DOCK6: variants seen among roughly 807,000 people sequenced by gnomAD.
DOCK6 encodes dedicator of cytokinesis protein 6.
DOCK6 carries 167 observed loss-of-function variants against 230.3 expected under a neutral mutation model. The observed-to-expected ratio is 0.73, with a 90% CI of 0.64 to 0.82. The LOEUF (loss-of-function observed/expected upper bound fraction) is 0.82, where lower values mean the gene tolerates loss of function less well. DOCK6 is among the 40% of genes least tolerant of loss of function. The pLI, the probability that DOCK6 is intolerant of heterozygous loss-of-function variation, is 0.00. For missense variants in DOCK6, 2,598 were observed against 2,825.8 expected, an observed-to-expected ratio of 0.92 and a Z score of 1.83; for synonymous variants, 1,148 against 1,185.0, an observed-to-expected ratio of 0.97 and a Z score of 0.64.
chr19:11,215,689 A>G, intron 31 of DOCK6, 112 bp downstream of exon 31: 2 of 1,555,044 alleles, frequency 1.3e-6, no homozygotes, highest in East Asian at 2.3e-5. Flanking sequence ...ACTTCTCTCC[A>G]GGAAAAGTGA....
At chr19:11,203,315 G>A (rs1047583635) in intron 41 of DOCK6, 3 of 167,096 alleles carry the variant, frequency 1.8e-5, no homozygotes, top group Non-Finnish European at 2.6e-5. Flanking sequence ...GGCAGACATG[G>A]TGGGGCCAGA....
chr19:11,210,375 TTCTCA>T (rs1293096223), intron 37 of DOCK6, among the ~76,000 whole-genome samples: 1 of 149,266 alleles, frequency 6.7e-6, no homozygotes, highest in Non-Finnish European at 1.5e-5. Flanking sequence ...CTTGTTCATC[TTCTCA>T]TCTGGCCATC....
At chr19:11,215,508 A>G (rs765296566) in intron 31 of DOCK6, 37 bp from the exon 32 acceptor site, 2 of 1,575,166 alleles carry the variant, frequency 1.3e-6, no homozygotes, top group African/African-American at 2.7e-5. Context: ...GATGCGTAAA[A>G]ACACAGGGCA....
Position 11,200,195 on chromosome 19 carries a change from T to A in DOCK6, c.6101+113A>T. Reference sequence around the variant, plus strand: ...ACCGGAAACAAAACAAAGTCCAAGCTACCAGCAAACATGTTGCTGTGTATG... The same window carrying A: ...ACCGGAAACAAAACAAAGTCCAAGCAACCAGCAAACATGTTGCTGTGTATG... On this transcript the variant is annotated intron_variant, in intron 47 of 47. Coordinates refer to ENST00000294618, the MANE Select transcript of DOCK6 (RefSeq NM_020812.4). This position sits in a 1 kb window ranked among gnomAD's most constrained non-coding sequence, Gnocchi z 4.3. 7.2e-5 allele frequency: 77 copies of A among 1,069,542 alleles called. No individual in the cohort carries two copies. Among genetic ancestry groups the A allele is most frequent in the Non-Finnish European group, 8.4e-5 (65 of 770,698 alleles). 66.3% of individuals were successfully genotyped at this position (1,069,542 alleles called of 1,614,324 possible). A position where few individuals can be genotyped will look rare whatever the true frequency, so the allele number is the denominator to read the frequency against.
chr19:11,242,943 C>T (rs935313678), intron 13 of DOCK6, 116 bp downstream of exon 13: 5 of 1,186,568 alleles, frequency 4.2e-6, no homozygotes, highest in Non-Finnish European at 6.2e-6. Context: ...AGGGATTTGT[C>T]CATCATGGTC....
intron 22 of DOCK6, among the ~76,000 whole-genome samples, chr19:11,232,504 G>A (rs376231674): frequency 6.6e-6 from 1 of 152,244 alleles, no homozygotes; most frequent in Non-Finnish European, 1.5e-5. Context: ...ACACACCCCT[G>A]TAAGTCTGTG....
chr19:11,237,396 G>T (rs1182231583), intron 18 of DOCK6, 60 bp downstream of exon 18: 2 of 1,591,722 alleles, frequency 1.3e-6, no homozygotes, highest in Non-Finnish European at 1.7e-6. Context: ...AGGAAGGCAG[G>T]TGACTCGGGA....
At chr19:11,251,920 A>G in intron 5 of DOCK6, 199 bp downstream of exon 5, 3 of 708,584 alleles carry the variant, frequency 4.2e-6, no homozygotes, top group Non-Finnish European at 6.8e-6. Context: ...AGCAGAGGAC[A>G]CATATGAAGC....
chr19:11,218,595 G>A (rs1009033923), intron 28 of DOCK6, among the ~76,000 whole-genome samples: 2 of 152,080 alleles, frequency 1.3e-5, no homozygotes, highest in East Asian at 3.9e-4. Context: ...CTGCAGGTGC[G>A]TGCTGCCACG....
chr19:11,234,507 TAAAA>T (rs5827121), intron 21 of DOCK6, among the ~76,000 whole-genome samples: 4 of 145,466 alleles, frequency 2.7e-5, no homozygotes, highest in Admixed American at 1.4e-4. Context: ...TTTGGCAAAT[TAAAA>T]AAAAAAAAAA....
intron 21 of DOCK6, 57 bp downstream of exon 21, chr19:11,235,541 G>T: frequency 6.7e-7 from 1 of 1,481,524 alleles, no homozygotes; most frequent in Non-Finnish European, 9.1e-7. Flanking sequence ...GTGAGCCACC[G>T]CACCCAGCCT....
intron 28 of DOCK6, among the ~76,000 whole-genome samples, chr19:11,218,379 T>G (rs1422482318): frequency 1.3e-5 from 2 of 152,168 alleles, no homozygotes; most frequent in Non-Finnish European, 2.9e-5. Context: ...ACTCCTGACC[T>G]CGAATGATCT....
chr19:11,222,790 C>T lies in DOCK6; in HGVS notation c.3185G>A (p.Cys1062Tyr). The T allele has an allele frequency of 6.3e-7, 1 of 1,586,438 alleles. No homozygotes were observed. Among genetic ancestry groups the T allele is most frequent in the Non-Finnish European group, 8.6e-7 (1 of 1,166,806 alleles). ...GGGCGAGGCTGGAGGTGACAGGGGG[C>T]AGCAGGGGAGGTTGAGGGTCACGTA... ...EHYVTLNLPC[C>Y]PLSPPASPSP... Residue 1062 changes from cysteine (C) to tyrosine (Y), a missense_variant, in exon 26 of 48, where the codon TGC becomes TAC. Coordinates refer to ENST00000294618, the MANE Select transcript of DOCK6 (RefSeq NM_020812.4). The surrounding 1 kb of genome is among the most constrained non-coding windows in gnomAD (Gnocchi z 4.0).
At chr19:11,229,198 G>T in intron 22 of DOCK6, 163 bp from the exon 23 acceptor site, 3 of 1,271,622 alleles carry the variant, frequency 2.4e-6, no homozygotes, top group Non-Finnish European at 3.2e-6. Context: ...CTTTCCCTGG[G>T]CTCGCCAGAC....
Position 11,237,739 on chromosome 19 carries a change from C to A in DOCK6, c.1873G>T (p.Ala625Ser), listed in dbSNP as rs1466829555. 5 of 1,578,598 alleles carry A rather than the reference C, an allele frequency of 3.2e-6. No individual in the cohort carries two copies. In the East Asian group the frequency reaches 1.2e-4, roughly 37 times the overall value. Residue 625 changes from alanine to serine, a missense_variant, in exon 17 of 48, where the codon GCC becomes TCC. Transcript: ENST00000294618. ...FYEEFKLHLP[A>S]CVTENHHLLF... ...AGGTGATGGTTCTCTGTCACGCAGG[C>A]TGGAAGATGCAGCTTGAACTCCTCG...
chr19:11,217,030 C>A lies in DOCK6; in HGVS notation c.3778G>T (p.Val1260Leu). The change falls in exon 30 of 48, where the codon GTG (valine) becomes TTG (leucine). Residue 1260 changes from valine (V) to leucine (L), a missense_variant. Physicochemically the swap from Val to Leu is conservative, Grantham distance 32. Coordinates refer to ENST00000294618, the MANE Select transcript of DOCK6 (RefSeq NM_020812.4). ...AGCGCCGGCTCGGTGTTTTTCAGCA[C>A]CCACAGCACACACGCCAGCAAGGTC... ...SRTLLACVLW[V>L]LKNTEPALLQ... 1 of 1,613,634 alleles carries A rather than the reference C, an allele frequency of 6.2e-7. No homozygotes were observed. The highest frequency in any genetic ancestry group is 8.5e-7 in the Non-Finnish European group (1 of 1,179,892).
chr19:11,201,889 C>G lies in DOCK6; in HGVS notation c.5688G>C (p.Glu1896Asp), dbSNP rs1453434511. The G allele has an allele frequency of 6.4e-7, 1 of 1,557,274 alleles. No homozygotes were observed. Among genetic ancestry groups the G allele is most frequent in the Non-Finnish European group, 8.7e-7 (1 of 1,149,548 alleles). The change falls in exon 44 of 48, where the codon GAG becomes GAC. Residue 1896 changes from glutamate (E) to aspartate (D), a missense_variant and splice_region_variant. By Grantham distance (45) the Glu-to-Asp change is conservative. Coordinates refer to ENST00000294618, the MANE Select transcript of DOCK6 (RefSeq NM_020812.4). This position sits in a 1 kb window ranked among gnomAD's most constrained non-coding sequence, Gnocchi z 4.3. ...KTRIRVCHREETVLTPVEVAI... is the reference protein window; with the variant it reads ...KTRIRVCHREDTVLTPVEVAI... The stretch of plus-strand genomic sequence containing the variant: ...CGCCAGGCCCAGGATCCCCACCCAC[C>G]TCCTCCCGGTGGCACACACGGATGC...
intron 22 of DOCK6, among the ~76,000 whole-genome samples, chr19:11,231,172 T>C (rs1392330777): frequency 6.6e-6 from 1 of 152,192 alleles, no homozygotes; most frequent in African/African-American, 2.4e-5. Flanking sequence ...AGAGCTGGAA[T>C]AGGCCCTAGG....
At position 11,247,046 on chromosome 19, in the gene DOCK6, C is replaced by T. The variant is rs1006407587; in HGVS notation, c.806+1020G>A. ...TAGGCACTTTCAGCATCGCTTATCC[C>T]GGCTCTGTGTGGTCATCGCATGGTT... On this transcript the variant is annotated intron_variant, in intron 7 of 47. Coordinates refer to ENST00000294618, the MANE Select transcript of DOCK6 (RefSeq NM_020812.4). Among the ~76,000 whole-genome samples, 8 of 152,164 alleles carry T rather than the reference C, an allele frequency of 5.3e-5. 1 individual carries two copies. The highest frequency in any genetic ancestry group is 3.8e-4 in the East Asian group (2 of 5,196).
Sources: gnomAD v4.1 joint callset for allele counts (sites outside exome capture counted in the v4.1 genomes callset) on GRCh38, gnomAD v4.1.1 for gene constraint, Gnocchi (gnomAD v3.1) non-coding constraint, MANE v1.5 for transcripts, NCBI Gene and HGNC (gene_info 2026-07-23, HGNC 2026-07-21) for gene names.